The following SNX18 variants were observed in gnomAD, a reference collection of about 807,000 sequenced individuals.
SNX18 encodes the protein sorting nexin-18.
In SNX18, 35 loss-of-function variants were observed where a neutral mutation model predicts 48.7. That is an observed-to-expected ratio of 0.72 (90% CI 0.55 to 0.95). The LOEUF (loss-of-function observed/expected upper bound fraction) is 0.95. Among genes scored for constraint, SNX18 ranks in the 40% least tolerant of loss-of-function variants. The probability of loss-of-function intolerance (pLI) is 0.00; values close to 1 mark genes in which losing one functional copy is unlikely to be tolerated. For synonymous variants in SNX18, 492 were observed against 384.7 expected (o/e 1.28, Z -3.26); for missense variants, 824 against 871.0 (o/e 0.95, Z 0.68).
chr5:54,540,462 CT>C (rs1416933427), intron 1 of SNX18, among the ~76,000 whole-genome samples: 1 of 152,208 alleles, frequency 6.6e-6, no homozygotes, highest in Non-Finnish European at 1.5e-5. Flanking sequence ...ACCCATCCCC[CT>C]GCCTCAGCCT....
the SNX18 span, among the ~76,000 whole-genome samples, chr5:54,646,277 C>G: frequency 1.4e-4 from 22 of 152,034 alleles, no homozygotes; most frequent in Non-Finnish European, 2.8e-4. Context: ...AATCTTTTTT[C>G]TTTTCTTCTG....
chr5:54,564,733 C>G, the SNX18 span, among the ~76,000 whole-genome samples: 1 of 152,292 alleles, frequency 6.6e-6, no homozygotes, highest in African/African-American at 2.4e-5. Context: ...TGGTACGTGC[C>G]TGTAGTCCCA....
intron 1 of SNX18, among the ~76,000 whole-genome samples, chr5:54,540,926 T>G (rs1762456516): frequency 6.6e-6 from 1 of 152,244 alleles, no homozygotes. Context: ...ATTCTCTTTA[T>G]CATTATAAAA....
At chr5:54,598,773 A>C in the SNX18 span, among the ~76,000 whole-genome samples, 1 of 152,204 alleles carries the variant, frequency 6.6e-6, no homozygotes, top group Non-Finnish European at 1.5e-5. Context: ...CACAGCCAAT[A>C]GCATACTGAA....
chr5:54,629,817 T>C, the SNX18 span, among the ~76,000 whole-genome samples: 2 of 152,052 alleles, frequency 1.3e-5, no homozygotes, highest in Non-Finnish European at 2.9e-5. Flanking sequence ...ACTAAAAGAG[T>C]AGCTTAAATG....
the SNX18 span, among the ~76,000 whole-genome samples, chr5:54,609,719 C>T: frequency 6.6e-6 from 1 of 152,094 alleles, no homozygotes; most frequent in African/African-American, 2.4e-5. Flanking sequence ...GGAAGACAAA[C>T]GTGAGCCAAT....
chr5:54,610,125 C>T, the SNX18 span, among the ~76,000 whole-genome samples: 1 of 152,068 alleles, frequency 6.6e-6, no homozygotes, highest in African/African-American at 2.4e-5. Flanking sequence ...CCTGCAGAAC[C>T]GTGAGCAAAT....
the SNX18 span, among the ~76,000 whole-genome samples, chr5:54,618,676 T>C: frequency 1.3e-5 from 2 of 152,208 alleles, no homozygotes; most frequent in Non-Finnish European, 1.5e-5. Context: ...GAGAAGGGGT[T>C]GAGGTTACTG....
rs751207260 is a variant in SNX18, at chr5:54,543,393, G to C, written c.1836G>C (p.Gln612His). 3.7e-6 allele frequency: 6 copies of C among 1,614,038 alleles called. No homozygotes were observed. Among genetic ancestry groups the C allele is most frequent in the Non-Finnish European group, 5.1e-6 (6 of 1,180,028 alleles). Residue 612 changes from glutamine to histidine, a missense_variant, in exon 2 of 2, where the codon CAG becomes CAC. By Grantham distance (24) the Gln-to-His change is conservative (BLOSUM62 0). Around this residue, in one of 3 missense-constraint regions of SNX18, gnomAD observed 443 missense variants for 503.6 expected, o/e 0.88. Transcript: ENST00000381410. Reference sequence around the variant, plus strand: ...TAATATTTTTCCAAAAAGTTACCCAGAAGTTGGAAGAAGCTCTTCACAAAT... The same window carrying C: ...TAATATTTTTCCAAAAAGTTACCCACAAGTTGGAAGAAGCTCTTCACAAAT... ...QQIIFFQKVT[Q>H]KLEEALHKYD...
chr5:54,556,661 G>T, the SNX18 span, among the ~76,000 whole-genome samples: 1 of 152,110 alleles, frequency 6.6e-6, no homozygotes, highest in Non-Finnish European at 1.5e-5. Flanking sequence ...GACATCTTTG[G>T]GTGGGGCTGG....
chr5:54,565,854 A>G, the SNX18 span, among the ~76,000 whole-genome samples: 2 of 152,182 alleles, frequency 1.3e-5, no homozygotes, highest in Non-Finnish European at 2.9e-5. Flanking sequence ...TGCTCATCAA[A>G]TGAGCTGCGT....
the SNX18 span, among the ~76,000 whole-genome samples, chr5:54,568,545 C>T: frequency 6.6e-6 from 1 of 152,164 alleles, no homozygotes; most frequent in East Asian, 1.9e-4. Flanking sequence ...CCCCCATTTC[C>T]AAAGGAAGGG....
rs191708803 is a variant in SNX18, at chr5:54,545,978, T to C, written c.*2546T>C. On this transcript the variant is annotated 3_prime_UTR_variant, in exon 2 of 2. Coordinates refer to ENST00000381410, the MANE Select transcript of SNX18 (RefSeq NM_001102575.2). ...ACTGTTTTTATTAGACAGAGTTGTT[T>C]ATATGCTGTAACTGTAACGCAGCGA... is the stretch of plus-strand genomic sequence containing the variant. 1 of 152,344 alleles carries C rather than the reference T, an allele frequency of 6.6e-6. No homozygotes were observed. Among genetic ancestry groups the C allele is most frequent in the Non-Finnish European group, 1.5e-5 (1 of 68,036 alleles). 9.4% of individuals were successfully genotyped at this position (152,344 alleles called of 1,614,324 possible).
rs1257799880 is a variant in SNX18, at chr5:54,543,481, C to T, written c.*49C>T. On this transcript the variant is annotated 3_prime_UTR_variant, in exon 2 of 2. Transcript: ENST00000381410. ...TTTTTCAGTTCAAGGATAATTTCTA[C>T]AGCAGAATAAAAACTGCTGTCAAAG... The T allele has an allele frequency of 6.3e-7, 1 of 1,585,538 alleles. No individual in the cohort carries two copies. The highest frequency in any genetic ancestry group is 8.6e-7 in the Non-Finnish European group (1 of 1,165,398).
the SNX18 span, among the ~76,000 whole-genome samples, chr5:54,641,082 G>A: frequency 4.6e-5 from 7 of 152,002 alleles, no homozygotes; most frequent in Non-Finnish European, 8.8e-5. Flanking sequence ...AAAAAATCAG[G>A]AAGGAGTATA....
the SNX18 span, among the ~76,000 whole-genome samples, chr5:54,613,069 A>T: frequency 2.0e-5 from 3 of 152,232 alleles, no homozygotes; most frequent in Admixed American, 1.3e-4. Context: ...ATGGGTTGTA[A>T]CAGCCAGAGC....
At chr5:54,611,931 G>A in the SNX18 span, among the ~76,000 whole-genome samples, 6 of 151,486 alleles carry the variant, frequency 4.0e-5, no homozygotes, top group African/African-American at 1.5e-4. Flanking sequence ...AGGCTGGAGT[G>A]CAGTAGCACA....
the SNX18 span, among the ~76,000 whole-genome samples, chr5:54,598,571 G>A: frequency 6.6e-6 from 1 of 152,080 alleles, no homozygotes; most frequent in Non-Finnish European, 1.5e-5. Flanking sequence ...TGCAAGGCTG[G>A]TTCAACATAC....
At chr5:54,613,648 G>A in the SNX18 span, among the ~76,000 whole-genome samples, 1 of 152,230 alleles carries the variant, frequency 6.6e-6, no homozygotes, top group Non-Finnish European at 1.5e-5. Context: ...CCAGATGAAA[G>A]TGTGAACTTC....
Sources: gnomAD v4.1 joint callset for allele counts (sites outside exome capture counted in the v4.1 genomes callset) on GRCh38, gnomAD v4.1.1 for gene constraint, gnomAD v4.1.1 regional missense constraint, MANE v1.5 for transcripts, NCBI Gene and HGNC (gene_info 2026-07-23, HGNC 2026-07-21) for gene names.